Variants in PGPEP1 observed in about 807,000 individuals in gnomAD.
PGPEP1 encodes pyroglutamyl-peptidase I.
Under a neutral mutation model 24.1 loss-of-function variants are expected in PGPEP1, and 15 were observed. That is an observed-to-expected ratio of 0.62 (90% CI 0.42 to 0.96). The LOEUF (loss-of-function observed/expected upper bound fraction) is 0.96, where lower values mean the gene tolerates loss of function less well. Among genes scored for constraint, PGPEP1 ranks in the 40% least tolerant of loss-of-function variants. The probability of loss-of-function intolerance (pLI) is 0.00; values close to 1 mark genes in which losing one functional copy is unlikely to be tolerated. For synonymous variants in PGPEP1, 122 were observed against 116.4 expected, an observed-to-expected ratio of 1.05 and a Z score of -0.31; for missense variants, 242 against 273.4, an observed-to-expected ratio of 0.89 and a Z score of 0.81.
intron 2 of PGPEP1, among the ~76,000 whole-genome samples, chr19:18,344,107 G>A (rs1478411127): frequency 2.6e-5 from 4 of 152,072 alleles, no homozygotes; most frequent in Non-Finnish European, 4.4e-5. Flanking sequence ...CATGGTTCAG[G>A]AAGGACCAGG....
chr19:18,342,750 G>GC (rs764278920), intron 1 of PGPEP1, 109 bp from the exon 2 acceptor site: 1 of 829,296 alleles, frequency 1.2e-6, no homozygotes, highest in Non-Finnish European at 2.0e-6. Flanking sequence ...CTTGGCAGCT[G>GC]CGCCCTGAAG....
intron 1 of PGPEP1, among the ~76,000 whole-genome samples, chr19:18,341,739 C>T (rs2144521777): frequency 6.6e-6 from 1 of 152,256 alleles, no homozygotes; most frequent in East Asian, 1.9e-4. Context: ...AACTGAGGCT[C>T]ACAGAGGTCA....
intron 3 of PGPEP1, 85 bp from the exon 4 acceptor site, chr19:18,357,298 G>A (rs1044202705): frequency 1.1e-6 from 1 of 910,904 alleles, no homozygotes; most frequent in Non-Finnish European, 1.7e-6. Flanking sequence ...GCTCATTAAG[G>A]ATGCTGCCTT....
At chr19:18,356,750 C>A (rs1971195818) in intron 3 of PGPEP1, among the ~76,000 whole-genome samples, 1 of 145,458 alleles carries the variant, frequency 6.9e-6, no homozygotes. Context: ...CTTAAAAAAA[C>A]AAACAAGACC....
chr19:18,354,663 G>A (rs1398329840), intron 2 of PGPEP1, among the ~76,000 whole-genome samples: 2 of 151,898 alleles, frequency 1.3e-5, no homozygotes, highest in Non-Finnish European at 2.9e-5. Context: ...GACCACAGGT[G>A]TGCACCACCA....
chr19:18,349,212 C>CA, intron 2 of PGPEP1: 1 of 595,184 alleles, frequency 1.7e-6, no homozygotes, highest in Non-Finnish European at 2.1e-6. Flanking sequence ...GACAGAATCT[C>CA]ACTCTGTCAT....
Position 18,363,541 on chromosome 19 carries a change from G to A in PGPEP1, c.588G>A (p.Leu196=). Residue 196 remains leucine (L), a synonymous_variant, in exon 5 of 5, where the codon CTG becomes CTA. Transcript: ENST00000269919. The stretch of plus-strand genomic sequence containing the variant: ...TCATTGAGGAGATGTTGGACCTCCT[G>A]GAGCAGTCAGAGGGCAAAATCAACT... ...RAIIEEMLDL[L]EQSEGKINYC... is the part of the protein sequence containing the mutation. 1 of 1,614,038 alleles carries A rather than the reference G, an allele frequency of 6.2e-7. No individual in the cohort carries two copies. Among genetic ancestry groups the A allele is most frequent in the Non-Finnish European group, 8.5e-7 (1 of 1,179,976 alleles).
rs1971406195 is a variant in PGPEP1, at chr19:18,363,374, C to A, written c.438-17C>A. On this transcript the variant is annotated splice_polypyrimidine_tract_variant and intron_variant, in intron 4 of 4. Transcript: ENST00000269919. ...CCGTTTTGGTCTCTCTCTTACCCGC[C>A]ACGCCCTGCGGCTTAGATATCTCTG... The A allele has an allele frequency of 6.3e-7, 1 of 1,596,116 alleles. No homozygotes were observed. Among genetic ancestry groups the A allele is most frequent in the Non-Finnish European group, 8.6e-7 (1 of 1,165,096 alleles).
chr19:18,367,435 A>C lies in PGPEP1; in HGVS notation c.*3852A>C, dbSNP rs1971585003. On this transcript the variant is annotated 3_prime_UTR_variant, in exon 5 of 5. Transcript: ENST00000269919. ...CCTCATGGAGGGTGCTGAGGCAGGG[A>C]ACAGGGGTGCAGGGACAGTGATCAG... 6.6e-6 allele frequency: 1 copy of C among 151,942 alleles called. No homozygotes were observed. The highest frequency in any genetic ancestry group is 2.1e-4 in the South Asian group (1 of 4,796). 9.4% of individuals were successfully genotyped at this position (151,942 alleles called of 1,614,324 possible).
In PGPEP1 at chr19:18,367,857, A is replaced by G. The variant is rs1971599112; in HGVS notation, c.*4274A>G. On this transcript the variant is annotated 3_prime_UTR_variant, in exon 5 of 5. Coordinates refer to ENST00000269919, the MANE Select transcript of PGPEP1 (RefSeq NM_017712.4). The stretch of plus-strand genomic sequence containing the variant: ...CTCGGCAAGGAGGGGAATCCTGGAG[A>G]TGGTTCATGTCTGTGATCCCAGTGC... 1 of 151,968 alleles carries G rather than the reference A, an allele frequency of 6.6e-6. No individual in the cohort carries two copies. 9.4% of individuals were successfully genotyped at this position (151,968 alleles called of 1,614,324 possible). A position where few individuals can be genotyped will look rare whatever the true frequency, so the allele number is the denominator to read the frequency against.
At chr19:18,354,756 G>T (rs576305947) in intron 2 of PGPEP1, among the ~76,000 whole-genome samples, 2 of 151,972 alleles carry the variant, frequency 1.3e-5, no homozygotes, top group African/African-American at 4.8e-5. Context: ...GGGTTCAAGC[G>T]ATCTTCCAGC....
At chr19:18,341,325 T>C (rs1376387553) in intron 1 of PGPEP1, among the ~76,000 whole-genome samples, 3 of 152,148 alleles carry the variant, frequency 2.0e-5, no homozygotes, top group African/African-American at 7.2e-5. Flanking sequence ...GGGCTGTTTG[T>C]TGGTGAGTCA....
chr19:18,353,942 T>G (rs943576780), intron 2 of PGPEP1, among the ~76,000 whole-genome samples: 2 of 152,106 alleles, frequency 1.3e-5, no homozygotes, highest in Non-Finnish European at 2.9e-5. Context: ...CTAGAGAGGC[T>G]TCTTTTTACA....
chr19:18,346,097 C>T (rs1015191591), intron 2 of PGPEP1, among the ~76,000 whole-genome samples: 4 of 152,132 alleles, frequency 2.6e-5, no homozygotes, highest in African/African-American at 9.7e-5. Flanking sequence ...CATAGCCTCT[C>T]CCCCAAGTAC....
Position 18,357,661 on chromosome 19 carries a change from C to CCCACTGAG in PGPEP1, c.437+49_437+56dup, listed in dbSNP as rs1971228531. On this transcript the variant is annotated intron_variant, in intron 4 of 4. Transcript: ENST00000269919. ...AGTGAGTGGGGATTTCCCTCCTCCA[C>CCCACTGAG]CCACTGAGCCTGGTGTAGAACAAGC... is the stretch of plus-strand genomic sequence containing the variant. 6 of 1,355,554 alleles carry CCCACTGAG rather than the reference C, an allele frequency of 4.4e-6. No homozygotes were observed. The African/African-American group carries it at 8.6e-5, about 19-fold the overall frequency. The allele number at this position is 1,355,554 out of a possible 1,614,324, so 84.0% of individuals were successfully genotyped here. A position where few individuals can be genotyped will look rare whatever the true frequency, so the allele number is the denominator to read the frequency against.
At chr19:18,359,442 C>T (rs1361778390) in intron 4 of PGPEP1, among the ~76,000 whole-genome samples, 1 of 152,042 alleles carries the variant, frequency 6.6e-6, no homozygotes, top group Non-Finnish European at 1.5e-5. Flanking sequence ...ACTCCAGCCT[C>T]AGGGCCTTTG....
At chr19:18,354,524 ACT>A (rs930474201) in intron 2 of PGPEP1, among the ~76,000 whole-genome samples, 7 of 151,612 alleles carry the variant, frequency 4.6e-5, no homozygotes, top group East Asian at 1.9e-4. Context: ...TAAATAAAAG[ACT>A]CTGTTGCAGG....
chr19:18,349,500 A>C (rs1254541485), intron 2 of PGPEP1, among the ~76,000 whole-genome samples: 3 of 152,180 alleles, frequency 2.0e-5, no homozygotes, highest in African/African-American at 7.2e-5. Context: ...TGATTTTTAA[A>C]GTAACACATC....
At chr19:18,352,302 T>C (rs1360993445) in intron 2 of PGPEP1, among the ~76,000 whole-genome samples, 1 of 137,342 alleles carries the variant, frequency 7.3e-6, no homozygotes, top group Admixed American at 7.6e-5. Context: ...TTGGGTGTTT[T>C]CCCAGTACTC....
Sources: gnomAD v4.1 joint callset for allele counts (sites outside exome capture counted in the v4.1 genomes callset) on GRCh38, gnomAD v4.1.1 for gene constraint, MANE v1.5 for transcripts, NCBI Gene and HGNC (gene_info 2026-07-23, HGNC 2026-07-21) for gene names.